Variants in STAU1 observed in about 807,000 individuals in gnomAD.
STAU1 encodes the protein double-stranded RNA-binding protein Staufen homolog 1.
A neutral mutation model predicts 62.9 loss-of-function variants in STAU1; 13 were observed. That is an observed-to-expected ratio of 0.21 (90% confidence interval 0.13 to 0.33). The LOEUF is 0.33. STAU1 is among the 10% of genes least tolerant of loss of function. The pLI is 1.00. For synonymous variants in STAU1, 269 were observed against 265.1 expected (o/e 1.01, Z -0.14); for missense variants, 571 against 712.1 (o/e 0.80, Z 2.25).
intron 3 of STAU1, among the ~76,000 whole-genome samples, chr20:49,155,448 A>C (rs1306580869): frequency 6.6e-6 from 1 of 152,198 alleles, no homozygotes; most frequent in South Asian, 2.1e-4. Flanking sequence ...TAAAAAGAAA[A>C]CCAGCCTGGA....
chr20:49,218,369 C>T, the STAU1 span, among the ~76,000 whole-genome samples: 1 of 151,676 alleles, frequency 6.6e-6, no homozygotes, highest in Admixed American at 6.6e-5. Flanking sequence ...GGACTACAGG[C>T]GCCCGCCACC....
chr20:49,171,696 C>T (rs1471608287), intron 2 of STAU1, among the ~76,000 whole-genome samples: 1 of 151,992 alleles, frequency 6.6e-6, no homozygotes, highest in African/African-American at 2.4e-5. Flanking sequence ...CCCTCCCAGC[C>T]CCCCAAAATA....
At chr20:49,135,521 C>T (rs2092859677) in intron 6 of STAU1, among the ~76,000 whole-genome samples, 2 of 152,046 alleles carry the variant, frequency 1.3e-5, no homozygotes, top group Non-Finnish European at 2.9e-5. Context: ...ATGAACTAGC[C>T]CCTCCACCCT....
intron 1 of STAU1, among the ~76,000 whole-genome samples, chr20:49,177,192 G>C (rs1024102316): frequency 2.6e-5 from 4 of 151,362 alleles, no homozygotes; most frequent in Admixed American, 2.6e-4. Flanking sequence ...TTACAGGCGT[G>C]AGCCACCGCA....
At chr20:49,196,309 G>C in the STAU1 span, among the ~76,000 whole-genome samples, 1 of 151,362 alleles carries the variant, frequency 6.6e-6, no homozygotes, top group African/African-American at 2.4e-5. Flanking sequence ...GGTGGCGGGC[G>C]CCTGTAGTCC....
intron 3 of STAU1, among the ~76,000 whole-genome samples, chr20:49,155,651 C>T (rs1183705362): frequency 6.6e-6 from 1 of 152,166 alleles, no homozygotes; most frequent in East Asian, 1.9e-4. Context: ...TGAATCAAAT[C>T]TATAAGAATA....
At chr20:49,171,277 T>C (rs570821722) in intron 2 of STAU1, among the ~76,000 whole-genome samples, 1 of 152,352 alleles carries the variant, frequency 6.6e-6, no homozygotes, top group South Asian at 2.1e-4. Context: ...ACCCACATCA[T>C]TCCTTATACC....
the STAU1 span, among the ~76,000 whole-genome samples, chr20:49,206,719 TTATATATATATATATATA>T: frequency 1.6e-3 from 167 of 106,038 alleles, 4 homozygotes; most frequent in African/African-American, 5.8e-3. Flanking sequence ...AAATGAAATT[TTATATATATATATATATA>T]TATATATATA....
rs368751374 is a variant in STAU1 at position 49,113,714 on chromosome 20, A to G, written c.*1164T>C. 6.5e-6 allele frequency: 1 copy of G among 152,672 alleles called. No homozygotes were observed. Among genetic ancestry groups the G allele is most frequent in the African/African-American group, 2.4e-5 (1 of 41,462 alleles). 9.5% of individuals were successfully genotyped at this position (152,672 alleles called of 1,614,324 possible). A position where few individuals can be genotyped will look rare whatever the true frequency, so the allele number is the denominator to read the frequency against. On this transcript the variant is annotated 3_prime_UTR_variant, in exon 14 of 14. Transcript: ENST00000371856. ...AGTAACACAACATCAAAAGCAACAC[A>G]GCTGTATACAGAAACGTAGGTCATT...
intron 5 of STAU1, among the ~76,000 whole-genome samples, chr20:49,141,380 G>C (rs935706669): frequency 6.6e-6 from 1 of 152,172 alleles, no homozygotes; most frequent in Non-Finnish European, 1.5e-5. Flanking sequence ...TTTGAAGTCA[G>C]GAGTTCAAGA....
intron 3 of STAU1, among the ~76,000 whole-genome samples, 163 bp downstream of exon 3, chr20:49,165,834 C>A (rs1250621433): frequency 6.6e-6 from 1 of 152,208 alleles, no homozygotes; most frequent in African/African-American, 2.4e-5. Context: ...CAACCCCTTA[C>A]ACAACCAGTG....
At chr20:49,139,153 G>A (rs923891384) in intron 5 of STAU1, among the ~76,000 whole-genome samples, 1 of 152,078 alleles carries the variant, frequency 6.6e-6, no homozygotes, top group South Asian at 2.1e-4. Flanking sequence ...GAAAACATAG[G>A]GGAAAAGTGT....
intron 5 of STAU1, among the ~76,000 whole-genome samples, chr20:49,145,458 C>T (rs184331994): frequency 2.0e-3 from 242 of 122,534 alleles, no homozygotes; most frequent in African/African-American, 6.6e-3. Flanking sequence ...AAAGACCAAG[C>T]GTGGTGGCTC....
rs146422110 is a variant in STAU1, at chr20:49,123,197, C to T, written c.861G>A (p.Pro287=). 1.7e-5 allele frequency: 27 copies of T among 1,614,012 alleles called. No homozygotes were observed. The highest frequency in any genetic ancestry group is 1.2e-4 in the South Asian group (11 of 91,086). ...GCTGGATCTGGGCCAGTCGGCTAAT[C>T]GGATTGATCCCCTGGCCATATTCTG... The part of the protein sequence containing the change: ...TSPEYGQGIN[P]ISRLAQIQQA... Residue 287 remains proline (P), a synonymous_variant, in exon 8 of 14, where the codon CCG becomes CCA. Transcript: ENST00000371856.
the STAU1 span, among the ~76,000 whole-genome samples, chr20:49,205,268 TGGC>T: frequency 6.6e-6 from 1 of 152,238 alleles, no homozygotes; most frequent in South Asian, 2.1e-4. Flanking sequence ...TAGCTTTTGG[TGGC>T]CTTGTGCAAG....
intron 10 of STAU1, 22 bp downstream of exon 10, chr20:49,118,311 A>C (rs1310618865): frequency 6.2e-7 from 1 of 1,603,034 alleles, no homozygotes; most frequent in Admixed American, 1.7e-5. Context: ...TCAGAGGAAG[A>C]CGATATTAAG....
the STAU1 span, among the ~76,000 whole-genome samples, chr20:49,203,875 C>T: frequency 2.6e-5 from 4 of 151,978 alleles, no homozygotes; most frequent in Non-Finnish European, 5.9e-5. Context: ...TTAGTAGAGA[C>T]GGGGTTTCAT....
intron 1 of STAU1, among the ~76,000 whole-genome samples, chr20:49,186,271 G>C (rs2093785943): frequency 6.6e-6 from 1 of 151,880 alleles, no homozygotes; most frequent in African/African-American, 2.4e-5. Flanking sequence ...TTTTGAACCA[G>C]GGTGGCAGAG....
Position 49,113,906 on chromosome 20 carries a change from A to G in STAU1, c.*972T>C, listed in dbSNP as rs1473257106. 6.5e-6 allele frequency: 1 copy of G among 152,692 alleles called. No homozygotes were observed. The highest frequency in any genetic ancestry group is 2.4e-5 in the African/African-American group (1 of 41,476). 9.5% of individuals were successfully genotyped at this position (152,692 alleles called of 1,614,324 possible). On this transcript the variant is annotated 3_prime_UTR_variant, in exon 14 of 14. Coordinates refer to ENST00000371856, the MANE Select transcript of STAU1 (RefSeq NM_017453.4). ...AATGTTTTTTAATAATCTTTAAAAC[A>G]GAGATCAAAGTTCATTTAAGTCCTG...
Sources: gnomAD v4.1 joint callset for allele counts (sites outside exome capture counted in the v4.1 genomes callset) on GRCh38, gnomAD v4.1.1 for gene constraint, MANE v1.5 for transcripts, NCBI Gene and HGNC (gene_info 2026-07-23, HGNC 2026-07-21) for gene names.